The following LURAP1L variants were observed in gnomAD, a reference collection of about 807,000 sequenced individuals.
LURAP1L encodes leucine rich adaptor protein 1-like.
LURAP1L carries 12 observed loss-of-function variants against 13.8 expected under a neutral mutation model. The ratio of observed to expected loss-of-function variants is 0.87; its 90% CI spans 0.56 to 1.41. The LOEUF (loss-of-function observed/expected upper bound fraction) is 1.41, where lower values mean the gene tolerates loss of function less well. Among genes scored for constraint, LURAP1L ranks in the 40% most tolerant of loss-of-function variants. The pLI is 0.00. For synonymous variants in LURAP1L, 139 were observed against 119.2 expected (o/e 1.17, Z -1.08); for missense variants, 375 against 292.9 (o/e 1.28, Z -2.04).
At chr9:12,796,046 T>G (rs761678504) in intron 1 of LURAP1L, among the ~76,000 whole-genome samples, 1 of 152,070 alleles carries the variant, frequency 6.6e-6, no homozygotes, top group Non-Finnish European at 1.5e-5. Flanking sequence ...TATGGTTTCA[T>G]AGTATCCTCT....
chr9:12,798,701 T>C (rs1374703779), intron 1 of LURAP1L, among the ~76,000 whole-genome samples: 1 of 152,198 alleles, frequency 6.6e-6, no homozygotes. Context: ...AACTATTTAA[T>C]CTGGCCATAG....
At chr9:12,778,818 T>C (rs1283337592) in intron 1 of LURAP1L, among the ~76,000 whole-genome samples, 1 of 152,256 alleles carries the variant, frequency 6.6e-6, no homozygotes, top group African/African-American at 2.4e-5. Context: ...TTGTAGAGCC[T>C]AATGTCAGGT....
At position 12,793,545 on chromosome 9, in the gene LURAP1L, G is replaced by A. The variant is rs79956504; in HGVS notation, c.312+17518G>A. Among the ~76,000 whole-genome samples, 5 of 152,058 alleles carry A rather than the reference G, an allele frequency of 3.3e-5. No individual in the cohort carries two copies. The East Asian group carries it at 9.7e-4, about 29-fold the overall frequency. ...AATGTTACAATTTACATATACAAGT[G>A]GGATTATAAGAGACTAATTTTGTAA... On this transcript the variant is annotated intron_variant, in intron 1 of 1. Coordinates refer to ENST00000319264, the MANE Select transcript of LURAP1L (RefSeq NM_203403.2).
At chr9:12,820,139 G>A (rs1161415078) in intron 1 of LURAP1L, among the ~76,000 whole-genome samples, 2 of 152,128 alleles carry the variant, frequency 1.3e-5, no homozygotes, top group Admixed American at 1.3e-4. Flanking sequence ...AGTAAACTGT[G>A]GGACCTGCAA....
chr9:12,791,976 A>G (rs1453394853), intron 1 of LURAP1L, among the ~76,000 whole-genome samples: 1 of 152,158 alleles, frequency 6.6e-6, no homozygotes, highest in Non-Finnish European at 1.5e-5. Flanking sequence ...CCCTTAAATC[A>G]GAAACATACC....
At chr9:12,806,137 T>A (rs34919266) in intron 1 of LURAP1L, among the ~76,000 whole-genome samples, 20,351 of 151,968 alleles carry the variant, frequency 0.13, 1,709 homozygotes, top group East Asian at 0.31. Flanking sequence ...ATAATTTTTT[T>A]AAAAAGTTGA....
At chr9:12,777,449 G>T (rs1819203901) in intron 1 of LURAP1L, 16 of 985,268 alleles carry the variant, frequency 1.6e-5, no homozygotes, top group Middle Eastern at 5.2e-4. Flanking sequence ...TGCAAATTAA[G>T]GACTTAATAT....
intron 1 of LURAP1L, among the ~76,000 whole-genome samples, chr9:12,796,850 T>C (rs974245581): frequency 2.6e-5 from 4 of 151,778 alleles, no homozygotes; most frequent in Admixed American, 6.6e-5. Context: ...GTTACTTGAG[T>C]AACTTGCTTG....
At chr9:12,789,200 CTG>C (rs927733305) in intron 1 of LURAP1L, among the ~76,000 whole-genome samples, 5 of 151,992 alleles carry the variant, frequency 3.3e-5, no homozygotes, top group African/African-American at 9.7e-5. Context: ...AACCACAACT[CTG>C]TGTTTTTCTA....
intron 1 of LURAP1L, among the ~76,000 whole-genome samples, chr9:12,802,321 G>C (rs1819598340): frequency 6.6e-6 from 1 of 152,138 alleles, no homozygotes; most frequent in African/African-American, 2.4e-5. Flanking sequence ...GTTGGGCCTG[G>C]TGGGAGGGGA....
chr9:12,799,275 C>T (rs1819551876), intron 1 of LURAP1L, among the ~76,000 whole-genome samples: 1 of 152,086 alleles, frequency 6.6e-6, no homozygotes, highest in South Asian at 2.1e-4. Context: ...TCTCTGATTC[C>T]TCTGTCTGTC....
At position 12,822,118 on chromosome 9, in the gene LURAP1L, C is replaced by G. The variant is rs2118560844; in HGVS notation, c.*358C>G. 1 of 187,688 alleles carries G rather than the reference C, an allele frequency of 5.3e-6. No individual in the cohort carries two copies. Among genetic ancestry groups the G allele is most frequent in the East Asian group, 1.3e-4 (1 of 7,422 alleles). The allele number at this position is 187,688 out of a possible 1,614,324, so 11.6% of individuals were successfully genotyped here. Reference sequence around the variant, plus strand: ...GCTAAATTTTACAATAAACCAAAGTCTGATAACAGTTAATGTTGCTGCTTG... The same window carrying G: ...GCTAAATTTTACAATAAACCAAAGTGTGATAACAGTTAATGTTGCTGCTTG... On this transcript the variant is annotated 3_prime_UTR_variant, in exon 2 of 2. Transcript: ENST00000319264.
At chr9:12,797,357 G>A (rs914846583) in intron 1 of LURAP1L, among the ~76,000 whole-genome samples, 3 of 152,030 alleles carry the variant, frequency 2.0e-5, no homozygotes, top group East Asian at 1.9e-4. Flanking sequence ...ATCACACTGC[G>A]ATTACTTTAT....
At chr9:12,788,908 TA>T (rs924433584) in intron 1 of LURAP1L, among the ~76,000 whole-genome samples, 3 of 150,024 alleles carry the variant, frequency 2.0e-5, no homozygotes, top group African/African-American at 7.4e-5. Flanking sequence ...TATATATATA[TA>T]TATTTTTAAT....
chr9:12,792,145 T>A (rs1042852764), intron 1 of LURAP1L, among the ~76,000 whole-genome samples: 1 of 152,152 alleles, frequency 6.6e-6, no homozygotes, highest in African/African-American at 2.4e-5. Context: ...CTGACCCATA[T>A]GAAAATATAA....
At chr9:12,776,059 G>A (rs754475530) in intron 1 of LURAP1L, 32 bp downstream of exon 1, 1 of 1,603,954 alleles carries the variant, frequency 6.2e-7, no homozygotes, top group East Asian at 2.2e-5. Context: ...CGGGGGCTGG[G>A]ACCTGGGCTG....
intron 1 of LURAP1L, among the ~76,000 whole-genome samples, chr9:12,798,436 A>C (rs1331962829): frequency 6.6e-6 from 1 of 152,222 alleles, no homozygotes. Flanking sequence ...TTTAAAACTG[A>C]AGGACAATTA....
intron 1 of LURAP1L, among the ~76,000 whole-genome samples, chr9:12,819,954 AAAAC>A (rs1388774949): frequency 1.4e-4 from 21 of 151,972 alleles, no homozygotes; most frequent in Non-Finnish European, 2.4e-4. Flanking sequence ...ACTGTCTCAA[AAAAC>A]AAACAAGCAA....
At chr9:12,801,871 G>T (rs563923397) in intron 1 of LURAP1L, among the ~76,000 whole-genome samples, 1 of 152,220 alleles carries the variant, frequency 6.6e-6, no homozygotes, top group South Asian at 2.1e-4. Flanking sequence ...AGTTTTTCTG[G>T]GTCATATATT....
Sources: allele counts gnomAD v4.1 joint callset (sites outside exome capture counted in the v4.1 genomes callset), GRCh38; gene constraint gnomAD v4.1.1; transcripts MANE v1.5; gene names NCBI Gene and HGNC (gene_info 2026-07-23, HGNC 2026-07-21).